The following ESRP1 variants were observed in gnomAD, a reference collection of about 807,000 sequenced individuals.
ESRP1 encodes epithelial splicing regulatory protein 1, also known as RNA-binding motif protein 35A.
In ESRP1, 33 loss-of-function variants were observed where a neutral mutation model predicts 81.7. The ratio of observed to expected loss-of-function variants is 0.40; its 90% CI spans 0.31 to 0.54. The LOEUF (loss-of-function observed/expected upper bound fraction) is 0.54. Ranked by LOEUF, ESRP1 falls within the 20% of genes least tolerant of loss-of-function variation. The probability of loss-of-function intolerance (pLI) is 0.41; values close to 1 mark genes in which losing one functional copy is unlikely to be tolerated. For missense variants in ESRP1, 672 were observed against 833.1 expected, an observed-to-expected ratio of 0.81 and a Z score of 2.38; for synonymous variants, 320 against 303.3, an observed-to-expected ratio of 1.06 and a Z score of -0.57.
intron 2 of ESRP1, among the ~76,000 whole-genome samples, chr8:94,642,731 C>G (rs1183992327): frequency 6.6e-6 from 1 of 152,126 alleles, no homozygotes; most frequent in African/African-American, 2.4e-5. Flanking sequence ...ACCGGCTGTT[C>G]CGGGGTGCTG....
intron 15 of ESRP1, among the ~76,000 whole-genome samples, chr8:94,703,108 G>GTTTTTTTTTTTTTTTT (rs201767398): frequency 7.8e-6 from 1 of 128,536 alleles, no homozygotes; most frequent in African/African-American, 2.9e-5. Flanking sequence ...GAGATTGATT[G>GTTTTTTTTTTTTTTTT]TTTTTTTTTT....
intron 13 of ESRP1, among the ~76,000 whole-genome samples, chr8:94,683,333 T>C (rs1242476364): frequency 1.3e-5 from 2 of 152,156 alleles, no homozygotes; most frequent in African/African-American, 4.8e-5. Flanking sequence ...CTGGAATTCT[T>C]TGTAGTTGAA....
Position 94,678,254 on chromosome 8 carries a change from C to A in ESRP1, c.1703C>A (p.Thr568Lys). 1.2e-6 allele frequency: 2 copies of A among 1,614,022 alleles called. No individual in the cohort carries two copies. Among genetic ancestry groups the A allele is most frequent in the Non-Finnish European group, 1.7e-6 (2 of 1,179,906 alleles). The change falls in exon 13 of 16, where the codon ACA (threonine) becomes AAA (lysine). Residue 568 changes from threonine (T) to lysine (K), a missense_variant. By Grantham distance (78) the Thr-to-Lys change is moderately conservative. Transcript: ENST00000433389. ...TFPAPAAVIP[T>K]EAAIYQPSVI... ...CCAGCTCCTGCTGCAGTTATTCCTA[C>A]AGAAGCTGCCATTTACCAGCCCTCT...
At chr8:94,663,512 C>T (rs1818863646) in intron 6 of ESRP1, among the ~76,000 whole-genome samples, 1 of 152,152 alleles carries the variant, frequency 6.6e-6, no homozygotes, top group Admixed American at 6.5e-5. Flanking sequence ...TCCCAAAGTG[C>T]TGGGATTACA....
chr8:94,641,662 T>A, intron 1 of ESRP1: 1 of 727,696 alleles, frequency 1.4e-6, no homozygotes, highest in African/African-American at 1.8e-5. Flanking sequence ...TTAGCTCAGG[T>A]GGAGAGGCCG....
At chr8:94,684,686 G>A (rs1809064010) in intron 13 of ESRP1, among the ~76,000 whole-genome samples, 1 of 152,184 alleles carries the variant, frequency 6.6e-6, no homozygotes, top group Non-Finnish European at 1.5e-5. Flanking sequence ...AGGGGAGACT[G>A]TAATTCTCTA....
At chr8:94,704,499 C>G (rs1436544424) in intron 15 of ESRP1, among the ~76,000 whole-genome samples, 1 of 152,026 alleles carries the variant, frequency 6.6e-6, no homozygotes, top group African/African-American at 2.4e-5. Context: ...TGTTGTGACT[C>G]ACACTTGTAA....
intron 13 of ESRP1, among the ~76,000 whole-genome samples, chr8:94,685,953 T>C (rs1809122784): frequency 6.6e-6 from 1 of 152,170 alleles, no homozygotes; most frequent in Non-Finnish European, 1.5e-5. Flanking sequence ...TACCTATATA[T>C]GTTGTTTTGT....
chr8:94,680,833 G>A (rs1050285275), intron 13 of ESRP1, among the ~76,000 whole-genome samples: 1 of 152,086 alleles, frequency 6.6e-6, no homozygotes, highest in Non-Finnish European at 1.5e-5. Flanking sequence ...CTGATAAGTG[G>A]GAAATCTGAA....
chr8:94,689,990 T>C (rs1353904048), intron 13 of ESRP1, among the ~76,000 whole-genome samples: 2 of 151,788 alleles, frequency 1.3e-5, no homozygotes, highest in Admixed American at 6.6e-5. Flanking sequence ...CTAATTTTTT[T>C]GTATTTTTTA....
At position 94,641,261 on chromosome 8, in the gene ESRP1, A is replaced by G; in HGVS notation, c.-58A>G. 2 of 1,548,462 alleles carry G rather than the reference A, an allele frequency of 1.3e-6. No individual in the cohort carries two copies. Among genetic ancestry groups the G allele is most frequent in the Non-Finnish European group, 1.8e-6 (2 of 1,137,736 alleles). On this transcript the variant is annotated 5_prime_UTR_variant, in exon 1 of 16. Coordinates refer to ENST00000433389, the MANE Select transcript of ESRP1 (RefSeq NM_017697.4). ...GTTTAGCACAGGTTTTTTCGTTCTCACTTCCACACCACCTTACCGCCTCCC... is the reference window on the plus strand; with the variant it reads ...GTTTAGCACAGGTTTTTTCGTTCTCGCTTCCACACCACCTTACCGCCTCCC...
Position 94,658,681 on chromosome 8 carries a change from A to G in ESRP1, c.491-3591A>G, listed in dbSNP as rs570988182. On this transcript the variant is annotated intron_variant, in intron 4 of 15. Transcript: ENST00000433389. ...CTCCTTTCAAGTCTAAATTTTCCCCATATTCTTTTTTGAGATTGATTGACA... is the reference window on the plus strand; with the variant it reads ...CTCCTTTCAAGTCTAAATTTTCCCCGTATTCTTTTTTGAGATTGATTGACA... Among the ~76,000 whole-genome samples, 3 of 152,288 alleles carry G rather than the reference A, an allele frequency of 2.0e-5. No individual in the cohort carries two copies. In the East Asian group the frequency reaches 5.8e-4, roughly 29 times the overall value.
rs1563534951 is a variant in ESRP1 at position 94,674,318 on chromosome 8, CAGG to C, written c.1466_1468del (p.Gly489del). 6.2e-7 allele frequency: 1 copy of C among 1,613,616 alleles called. No individual in the cohort carries two copies. The highest frequency in any genetic ancestry group is 8.5e-7 in the Non-Finnish European group (1 of 1,179,828). ...CCCCCACACACTCAGGGCCGCCCATCAGGAGATGCCTTTATCCAGATGAAGTCT... is the reference window on the plus strand; with the variant it reads ...CCCCCACACACTCAGGGCCGCCCATCAGATGCCTTTATCCAGATGAAGTCT... On this transcript the variant is annotated inframe_deletion, in exon 12 of 16. Transcript: ENST00000433389.
chr8:94,696,887 C>T lies in ESRP1; in HGVS notation c.2007C>T (p.Asp669=). The change falls in exon 15 of 16, where the codon GAC becomes GAT. Residue 669 remains aspartate, a synonymous_variant. Coordinates refer to ENST00000433389, the MANE Select transcript of ESRP1 (RefSeq NM_017697.4). ...ATEDGLIHTN[D]QARTLPKEWV... ...AGGATGGACTTATACACACAAATGA[C>T]CAGGCCAGGACTCTACCCAAAGAAT... The T allele has an allele frequency of 5.6e-6, 9 of 1,595,548 alleles. No individual in the cohort carries two copies. The highest frequency in any genetic ancestry group is 7.7e-6 in the Non-Finnish European group (9 of 1,170,484).
At chr8:94,642,294 A>G (rs1468204064) in intron 2 of ESRP1, among the ~76,000 whole-genome samples, 1 of 152,292 alleles carries the variant, frequency 6.6e-6, no homozygotes, top group South Asian at 2.1e-4. Context: ...AGGGTTTGGG[A>G]CCGACATTCA....
intron 2 of ESRP1, 53 bp from the exon 3 acceptor site, chr8:94,643,248 CAG>C: frequency 3.2e-6 from 4 of 1,242,418 alleles, no homozygotes; most frequent in Non-Finnish European, 4.7e-6. Flanking sequence ...AGCTACTTTG[CAG>C]AGTTTGTAAA....
At chr8:94,699,310 A>G (rs546201937) in intron 15 of ESRP1, among the ~76,000 whole-genome samples, 2 of 152,296 alleles carry the variant, frequency 1.3e-5, no homozygotes, top group South Asian at 4.1e-4. Flanking sequence ...ATCATAATAA[A>G]GTCAGGTTAA....
intron 11 of ESRP1, 24 bp downstream of exon 11, chr8:94,671,695 A>T (rs1469658321): frequency 6.3e-7 from 1 of 1,589,930 alleles, no homozygotes; most frequent in Non-Finnish European, 8.6e-7. Context: ...TTAGTGGAAA[A>T]CTTATTTGCT....
At chr8:94,678,402 G>T (rs747356208) in intron 13 of ESRP1, 31 bp downstream of exon 13, 11 of 1,600,234 alleles carry the variant, frequency 6.9e-6, no homozygotes, top group African/African-American at 1.3e-5. Flanking sequence ...GAAATGAGGG[G>T]CAGAAACAAA....
Sources: gnomAD v4.1 joint callset for allele counts (sites outside exome capture counted in the v4.1 genomes callset) on GRCh38, gnomAD v4.1.1 for gene constraint, MANE v1.5 for transcripts, NCBI Gene and HGNC (gene_info 2026-07-23, HGNC 2026-07-21) for gene names.